Variants in CACNA2D3 observed in about 807,000 individuals in gnomAD.
CACNA2D3 encodes the protein voltage-dependent calcium channel subunit alpha-2/delta-3.
Under a neutral mutation model 160.6 loss-of-function variants are expected in CACNA2D3, and 60 were observed. The observed-to-expected ratio is 0.37, with a 90% CI of 0.30 to 0.46. The LOEUF (loss-of-function observed/expected upper bound fraction) is 0.46, where lower values mean the gene tolerates loss of function less well. CACNA2D3 is among the 20% of genes least tolerant of loss of function. The pLI is 1.00. For missense variants in CACNA2D3, 1,205 were observed against 1,365.0 expected (o/e 0.88, Z 1.85); for synonymous variants, 558 against 492.9 (o/e 1.13, Z -1.75).
At chr3:54,617,936 G>C (rs1256332460) in intron 9 of CACNA2D3, among the ~76,000 whole-genome samples, 1 of 150,738 alleles carries the variant, frequency 6.6e-6, no homozygotes, top group Non-Finnish European at 1.5e-5. Context: ...TCCTTTTTCT[G>C]TATGTAGAGT....
At chr3:54,683,364 A>T (rs974813335) in intron 11 of CACNA2D3, among the ~76,000 whole-genome samples, 1 of 152,224 alleles carries the variant, frequency 6.6e-6, no homozygotes, top group Non-Finnish European at 1.5e-5. Context: ...AACCAGATAT[A>T]CAGACAAAAA....
At chr3:54,732,115 A>G (rs1701401163) in intron 11 of CACNA2D3, among the ~76,000 whole-genome samples, 1 of 152,140 alleles carries the variant, frequency 6.6e-6, no homozygotes, top group East Asian at 1.9e-4. Flanking sequence ...TGTTTAGGCT[A>G]CGTGTTTAAG....
intron 14 of CACNA2D3, among the ~76,000 whole-genome samples, chr3:54,822,202 G>C (rs1037961555): frequency 6.6e-6 from 1 of 152,180 alleles, no homozygotes; most frequent in African/African-American, 2.4e-5. Context: ...GGGGTGTTAA[G>C]ATTGATATAC....
intron 4 of CACNA2D3, among the ~76,000 whole-genome samples, chr3:54,469,276 C>G (rs978162921): frequency 6.6e-6 from 1 of 152,212 alleles, no homozygotes; most frequent in Non-Finnish European, 1.5e-5. Flanking sequence ...TGGTGATACC[C>G]AGGCAAACAG....
intron 3 of CACNA2D3, among the ~76,000 whole-genome samples, chr3:54,334,673 C>G (rs575597638): frequency 1.1e-3 from 175 of 152,294 alleles, no homozygotes; most frequent in Admixed American, 2.9e-3. Flanking sequence ...GTCACACGCT[C>G]CCTCCTTGAG....
At chr3:54,272,615 C>A (rs2107452784) in intron 2 of CACNA2D3, among the ~76,000 whole-genome samples, 1 of 152,226 alleles carries the variant, frequency 6.6e-6, no homozygotes, top group East Asian at 1.9e-4. Flanking sequence ...ATGCTTGTCC[C>A]AGACACAGCT....
intron 32 of CACNA2D3, among the ~76,000 whole-genome samples, chr3:55,007,087 G>T (rs923847509): frequency 6.6e-6 from 1 of 152,114 alleles, no homozygotes; most frequent in African/African-American, 2.4e-5. Flanking sequence ...GTATTTTCCA[G>T]AATTCAGGAA....
At chr3:55,022,563 TTTCTTTCC>T (rs1242874921) in intron 35 of CACNA2D3, among the ~76,000 whole-genome samples, 1,276 of 119,482 alleles carry the variant, frequency 0.011, 23 homozygotes, top group African/African-American at 0.052. Context: ...TCCTTCTTTC[TTTCTTTCC>T]TTCCTTCCTT....
At chr3:54,553,418 A>T (rs1702191572) in intron 5 of CACNA2D3, among the ~76,000 whole-genome samples, 1 of 152,176 alleles carries the variant, frequency 6.6e-6, no homozygotes. Flanking sequence ...CTCAATCCCC[A>T]GGCTCCCCTG....
rs117839531 is a variant in CACNA2D3 at position 54,248,550 on chromosome 3, C to T, written c.205-71892C>T. Among the ~76,000 whole-genome samples, 456 of 151,238 alleles carry T rather than the reference C, an allele frequency of 3.0e-3. 9 individuals carry two copies. In the East Asian group the frequency reaches 0.045, roughly 15 times the overall value. On this transcript the variant is annotated intron_variant, in intron 2 of 37. Transcript: ENST00000474759. The stretch of plus-strand genomic sequence containing the variant: ...GGCCCTAATCCTAATCCAGTAGGAC[C>T]GATGTCCTTATAAGAAGAGGAAGAA...
intron 3 of CACNA2D3, among the ~76,000 whole-genome samples, chr3:54,332,848 G>T (rs1448618785): frequency 2.0e-5 from 3 of 152,092 alleles, no homozygotes; most frequent in Non-Finnish European, 4.4e-5. Flanking sequence ...TGGGGTCTTT[G>T]GGTTGGCTAC....
In CACNA2D3 at chr3:55,045,212, C is replaced by A. The variant is rs538762000; in HGVS notation, c.2987+26895C>A. Among the ~76,000 whole-genome samples, 11 of 152,244 alleles carry A rather than the reference C, an allele frequency of 7.2e-5. No homozygotes were observed. In the South Asian group the frequency reaches 1.5e-3, roughly 20 times the overall value. On this transcript the variant is annotated intron_variant, in intron 35 of 37. Transcript: ENST00000474759. ...GACAGGTGCCTGCCACCATGACTGGCTAATTTTTTGTATTTTTAGTAGAGA... is the reference window on the plus strand; with the variant it reads ...GACAGGTGCCTGCCACCATGACTGGATAATTTTTTGTATTTTTAGTAGAGA...
intron 35 of CACNA2D3, among the ~76,000 whole-genome samples, chr3:55,019,726 C>T (rs1432088465): frequency 2.0e-5 from 3 of 151,956 alleles, no homozygotes; most frequent in Non-Finnish European, 4.4e-5. Flanking sequence ...TTCTAGTCTC[C>T]GTACTTAATT....
chr3:54,386,764 C>G lies in CACNA2D3; in HGVS notation c.371C>G (p.Ala124Gly), dbSNP rs1376977474. 2 of 1,590,156 alleles carry G rather than the reference C, an allele frequency of 1.3e-6. No homozygotes were observed. The highest frequency in any genetic ancestry group is 2.3e-5 in the South Asian group (2 of 88,140). The change falls in exon 4 of 38, where the codon GCA (alanine) becomes GGA (glycine). Residue 124 changes from alanine to glycine, a missense_variant. By Grantham distance (60) the Ala-to-Gly change is moderately conservative. Coordinates refer to ENST00000474759, the MANE Select transcript of CACNA2D3 (RefSeq NM_018398.3). The part of the protein sequence containing the change: ...EEAHLKHEFD[A>G]DLQYEYFNAV... ...GCACACCTGAAACATGAATTTGATG[C>G]AGACTTACAGGTAACTGATTATAGT...
chr3:54,362,509 C>T (rs1425881242), intron 3 of CACNA2D3, among the ~76,000 whole-genome samples: 2 of 152,164 alleles, frequency 1.3e-5, no homozygotes, highest in African/African-American at 2.4e-5. Context: ...TGCCCACACT[C>T]CCGGGAGGGG....
chr3:54,772,535 C>G (rs1269811610), intron 13 of CACNA2D3, among the ~76,000 whole-genome samples: 2 of 152,016 alleles, frequency 1.3e-5, no homozygotes, highest in Admixed American at 6.6e-5. Context: ...GCCCATTCTC[C>G]CTGCTTGTTG....
intron 10 of CACNA2D3, among the ~76,000 whole-genome samples, chr3:54,636,003 C>T (rs1056006156): frequency 1.3e-5 from 2 of 151,894 alleles, no homozygotes; most frequent in Admixed American, 1.3e-4. Flanking sequence ...AGCTAATTTG[C>T]CAGTCCTGGG....
At chr3:54,280,588 A>T (rs373869012) in intron 2 of CACNA2D3, among the ~76,000 whole-genome samples, 2 of 151,948 alleles carry the variant, frequency 1.3e-5, no homozygotes, top group Non-Finnish European at 2.9e-5. Context: ...CTCAGGGAGG[A>T]GGTGACATGA....
At chr3:54,485,665 G>T (rs1559495184) in intron 4 of CACNA2D3, among the ~76,000 whole-genome samples, 1 of 151,754 alleles carries the variant, frequency 6.6e-6, no homozygotes, top group East Asian at 1.9e-4. Flanking sequence ...CTGGGTTCAA[G>T]CAATTCTTCT....
Sources: gnomAD v4.1 joint callset for allele counts (sites outside exome capture counted in the v4.1 genomes callset) on GRCh38, gnomAD v4.1.1 for gene constraint, MANE v1.5 for transcripts, NCBI Gene and HGNC (gene_info 2026-07-23, HGNC 2026-07-21) for gene names.